SCHIP1: variants seen among roughly 807,000 people sequenced by gnomAD.
SCHIP1 encodes the protein schwannomin-interacting protein 1.
Under a neutral mutation model 29.7 loss-of-function variants are expected in SCHIP1, and 8 were observed. The observed-to-expected ratio is 0.27, with a 90% confidence interval of 0.16 to 0.49. The LOEUF is 0.49. SCHIP1 is among the 20% of genes least tolerant of loss of function. The pLI is 0.99. For missense variants in SCHIP1, 193 were observed against 294.6 expected, an observed-to-expected ratio of 0.66 and a Z score of 2.52; for synonymous variants, 76 against 94.9, an observed-to-expected ratio of 0.80 and a Z score of 1.16.
At chr3:159,862,148 C>T (rs1394730903) in intron 1 of SCHIP1, among the ~76,000 whole-genome samples, 2 of 152,178 alleles carry the variant, frequency 1.3e-5, no homozygotes, top group African/African-American at 4.8e-5. Context: ...CCAGTGTTTT[C>T]TCTTTTTCTG....
At chr3:159,590,507 CAG>C in the SCHIP1 span, among the ~76,000 whole-genome samples, 1 of 151,992 alleles carries the variant, frequency 6.6e-6, no homozygotes, top group Non-Finnish European at 1.5e-5. Context: ...ACCCAGGAGA[CAG>C]GGGTTGCAGT....
intron 1 of SCHIP1, among the ~76,000 whole-genome samples, chr3:159,851,316 T>G (rs193075292): frequency 7.0e-4 from 107 of 152,324 alleles, no homozygotes; most frequent in South Asian, 3.3e-3. Context: ...CTATACTTGA[T>G]TATTTTATTC....
At chr3:159,570,262 T>C in the SCHIP1 span, among the ~76,000 whole-genome samples, 2 of 152,132 alleles carry the variant, frequency 1.3e-5, no homozygotes, top group Non-Finnish European at 2.9e-5. Flanking sequence ...TCTTCTAGGG[T>C]TTTTATGGTT....
chr3:159,680,680 A>ATATT, the SCHIP1 span, among the ~76,000 whole-genome samples: 1 of 70,700 alleles, frequency 1.4e-5, no homozygotes, highest in Non-Finnish European at 2.3e-5. Flanking sequence ...TTATATATAT[A>ATATT]ATATATGTAT....
At chr3:159,612,236 T>C in the SCHIP1 span, among the ~76,000 whole-genome samples, 9 of 151,990 alleles carry the variant, frequency 5.9e-5, no homozygotes, top group Non-Finnish European at 1.3e-4. Context: ...ATGACAAAAA[T>C]GAATACTGAT....
chr3:159,369,570 C>A, the SCHIP1 span, among the ~76,000 whole-genome samples: 2 of 152,036 alleles, frequency 1.3e-5, no homozygotes, highest in African/African-American at 4.8e-5. Flanking sequence ...TATATTGTTT[C>A]TTTGGAAAGA....
the SCHIP1 span, among the ~76,000 whole-genome samples, chr3:159,793,084 A>G: frequency 1.3e-5 from 2 of 152,104 alleles, no homozygotes; most frequent in Admixed American, 6.6e-5. Flanking sequence ...AACTTACCCT[A>G]CTTTTGTTAA....
At chr3:159,496,927 A>T in the SCHIP1 span, among the ~76,000 whole-genome samples, 2 of 152,192 alleles carry the variant, frequency 1.3e-5, no homozygotes, top group African/African-American at 4.8e-5. Flanking sequence ...ATGCAGCCAT[A>T]AAAAATGATA....
chr3:159,330,183 G>A, the SCHIP1 span, among the ~76,000 whole-genome samples: 1 of 152,150 alleles, frequency 6.6e-6, no homozygotes. Context: ...GGCAGTTACA[G>A]TCATATACAT....
chr3:159,647,185 G>A, the SCHIP1 span, among the ~76,000 whole-genome samples: 6 of 152,184 alleles, frequency 3.9e-5, no homozygotes, highest in Admixed American at 6.6e-5. Flanking sequence ...AAGGTAGAAA[G>A]GCAAAAGGAA....
chr3:159,524,904 A>G, the SCHIP1 span, among the ~76,000 whole-genome samples: 1 of 152,130 alleles, frequency 6.6e-6, no homozygotes. Context: ...AGCACTCCTC[A>G]TGACCCCTAC....
chr3:159,344,270 G>A, the SCHIP1 span, among the ~76,000 whole-genome samples: 8 of 149,002 alleles, frequency 5.4e-5, 1 homozygote, highest in South Asian at 1.1e-3. Context: ...GCGGTGAGCC[G>A]AGATCGTGAT....
chr3:159,895,343 A>G (rs1156796945), intron 6 of SCHIP1, among the ~76,000 whole-genome samples: 4 of 152,170 alleles, frequency 2.6e-5, no homozygotes, highest in African/African-American at 4.8e-5. Flanking sequence ...CTGATATGAC[A>G]CATTCTGCAT....
the SCHIP1 span, among the ~76,000 whole-genome samples, chr3:159,436,235 C>T: frequency 1.3e-5 from 2 of 152,254 alleles, no homozygotes; most frequent in Admixed American, 6.5e-5. Context: ...CTTTTCCAAT[C>T]GTTTAAGACG....
the SCHIP1 span, among the ~76,000 whole-genome samples, chr3:159,559,474 T>C: frequency 6.6e-6 from 1 of 152,218 alleles, no homozygotes; most frequent in African/African-American, 2.4e-5. Flanking sequence ...TTGTATGCAT[T>C]TCAAAATCCA....
At chr3:159,720,113 C>CAA in the SCHIP1 span, among the ~76,000 whole-genome samples, 1 of 151,958 alleles carries the variant, frequency 6.6e-6, no homozygotes, top group Non-Finnish European at 1.5e-5. Context: ...TCATTCTGAG[C>CAA]AAACTATCTC....
At chr3:159,587,982 C>A in the SCHIP1 span, among the ~76,000 whole-genome samples, 1 of 152,012 alleles carries the variant, frequency 6.6e-6, no homozygotes, top group Non-Finnish European at 1.5e-5. Flanking sequence ...GGGTATATAC[C>A]CAGTAATTGG....
intron 5 of SCHIP1, among the ~76,000 whole-genome samples, chr3:159,890,439 C>A (rs1156931516): frequency 6.6e-6 from 1 of 152,058 alleles, no homozygotes; most frequent in Non-Finnish European, 1.5e-5. Context: ...CAAGAGCACA[C>A]TGGAAAAAAT....
chr3:159,481,740 GC>G, the SCHIP1 span, among the ~76,000 whole-genome samples: 1 of 152,118 alleles, frequency 6.6e-6, no homozygotes, highest in Non-Finnish European at 1.5e-5. Context: ...TCTTTTATAA[GC>G]CCTTTGCTGC....
Sources: gnomAD v4.1 joint callset for allele counts (sites outside exome capture counted in the v4.1 genomes callset) on GRCh38, gnomAD v4.1.1 for gene constraint, MANE v1.5 for transcripts, NCBI Gene and HGNC (gene_info 2026-07-23, HGNC 2026-07-21) for gene names.